CPB2: variants seen among roughly 807,000 people sequenced by gnomAD.
CPB2 encodes the protein carboxypeptidase B-like protein.
A neutral mutation model predicts 57.0 loss-of-function variants in CPB2; 54 were observed. The ratio of observed to expected loss-of-function variants is 0.95; its 90% CI spans 0.76 to 1.19. CPB2 has a LOEUF of 1.19. Among genes scored for constraint, CPB2 ranks in the 50% most tolerant of loss-of-function variants. The probability of loss-of-function intolerance (pLI) is 0.00; values close to 1 mark genes in which losing one functional copy is unlikely to be tolerated. For missense variants in CPB2, 426 were observed against 512.0 expected (o/e 0.83, Z 1.62); for synonymous variants, 189 against 178.1 (o/e 1.06, Z -0.49).
chr13:46,071,626 G>A (rs1670600194), intron 6 of CPB2, among the ~76,000 whole-genome samples: 1 of 152,178 alleles, frequency 6.6e-6, no homozygotes, highest in Non-Finnish European at 1.5e-5. Context: ...TTATCTGAAG[G>A]TCAGTGCACG....
intron 3 of CPB2, among the ~76,000 whole-genome samples, 196 bp downstream of exon 3, chr13:46,084,023 A>G (rs1168182291): frequency 6.6e-6 from 1 of 152,172 alleles, no homozygotes; most frequent in Non-Finnish European, 1.5e-5. Flanking sequence ...GGAGGTCATG[A>G]GGGGTTGAAC....
rs555153445 is a variant in CPB2, at chr13:46,087,815, T to G, written c.80A>C (p.Gln27Pro). Reference protein sequence around the residue: ...EQHVFAFQSGQVLAALPRTSR... With the variant: ...EQHVFAFQSGPVLAALPRTSR... ...GGTTCTAGGAAGAGCAGCTAGAACT[T>G]GGCCACTGGGGAAAAAAATAAAAGA... is the stretch of plus-strand genomic sequence containing the variant. The change falls in exon 2 of 11, where the codon CAA (glutamine) becomes CCA (proline). Residue 27 changes from glutamine (Q) to proline (P), a missense_variant. Gln to Pro is a moderately conservative substitution (Grantham distance 76). Transcript: ENST00000181383. The G allele has an allele frequency of 6.2e-7, 1 of 1,607,314 alleles. No homozygotes were observed. Among genetic ancestry groups the G allele is most frequent in the African/African-American group, 1.3e-5 (1 of 74,594 alleles).
intron 8 of CPB2, among the ~76,000 whole-genome samples, chr13:46,064,155 G>A (rs997223290): frequency 1.3e-5 from 2 of 152,038 alleles, no homozygotes; most frequent in Non-Finnish European, 2.9e-5. Flanking sequence ...CAGCTACTTG[G>A]GAGGCTGAGG....
chr13:46,066,844 CAAAAAA>C (rs35694352), intron 7 of CPB2, among the ~76,000 whole-genome samples: 2 of 99,318 alleles, frequency 2.0e-5, no homozygotes. Context: ...GACACCATCT[CAAAAAA>C]AAAAAAAAAA....
intron 4 of CPB2, among the ~76,000 whole-genome samples, chr13:46,082,170 C>A (rs1220244505): frequency 6.6e-6 from 1 of 152,102 alleles, no homozygotes; most frequent in African/African-American, 2.4e-5. Context: ...TCTTTAATTT[C>A]TGTTGTTCCA....
In CPB2 at chr13:46,073,582, G is replaced by A. The variant is rs76807562; in HGVS notation, c.591+291C>T. 6.5e-3 allele frequency: 2,185 copies of A among 334,528 alleles called. 70 individuals are homozygous for A. Among genetic ancestry groups the A allele is most frequent in the African/African-American group, 0.047 (2,021 of 43,062 alleles). The allele number at this position is 334,528 out of a possible 1,614,324, so 20.7% of individuals were successfully genotyped here. On this transcript the variant is annotated intron_variant, in intron 6 of 10. Coordinates refer to ENST00000181383, the MANE Select transcript of CPB2 (RefSeq NM_001872.5). ...CTCCTTCAGTCCTTTCCTCTACTTA[G>A]TAAACATATTATAATCAATGTACTA...
intron 4 of CPB2, among the ~76,000 whole-genome samples, chr13:46,079,535 CAA>C (rs58164990): frequency 0.35 from 38,557 of 110,462 alleles, 5,394 homozygotes; most frequent in East Asian, 0.52. Context: ...AAGGAAAAAG[CAA>C]AAAAAAAAAA....
chr13:46,057,910 GTTCC>G (rs1325343791), intron 9 of CPB2, among the ~76,000 whole-genome samples: 1 of 152,136 alleles, frequency 6.6e-6, no homozygotes, highest in Non-Finnish European at 1.5e-5. Flanking sequence ...TGTAGTAGTA[GTTCC>G]TTCCTAACCT....
In CPB2 at chr13:46,062,011, T is replaced by C. The variant is rs941913600; in HGVS notation, c.796+2637A>G. Among the ~76,000 whole-genome samples, 5 of 142,294 alleles carry C rather than the reference T, an allele frequency of 3.5e-5. No individual in the cohort carries two copies. The South Asian group carries it at 1.1e-3, about 32-fold the overall frequency. 93.4% of individuals were successfully genotyped at this position (142,294 alleles called of 152,430 possible). A position where few individuals can be genotyped will look rare whatever the true frequency, so the allele number is the denominator to read the frequency against. On this transcript the variant is annotated intron_variant, in intron 8 of 10. Transcript: ENST00000181383. ...TGGTAATAAGGACAGTTCCTTACAATTACTTTTTATTTGGTTTTTTTTTTT... is the reference window on the plus strand; with the variant it reads ...TGGTAATAAGGACAGTTCCTTACAACTACTTTTTATTTGGTTTTTTTTTTT...
intron 1 of CPB2, among the ~76,000 whole-genome samples, chr13:46,097,628 T>C (rs1387979818): frequency 1.3e-5 from 2 of 152,184 alleles, no homozygotes; most frequent in African/African-American, 2.4e-5. Context: ...CCAGAATACC[T>C]AGTTGCTGCT....
intron 2 of CPB2, among the ~76,000 whole-genome samples, chr13:46,084,741 T>C (rs1021440715): frequency 3.3e-5 from 5 of 152,016 alleles, no homozygotes; most frequent in Non-Finnish European, 7.4e-5. Flanking sequence ...AAAAATTTCA[T>C]GTTCTTGTAA....
In CPB2 at chr13:46,053,516, A is replaced by G. The variant is rs776645167; in HGVS notation, c.*98T>C. The G allele has an allele frequency of 6.6e-7, 1 of 1,508,246 alleles. No homozygotes were observed. Among genetic ancestry groups the G allele is most frequent in the Admixed American group, 2.2e-5 (1 of 45,944 alleles). The allele number at this position is 1,508,246 out of a possible 1,614,324, so 93.4% of individuals were successfully genotyped here. Reference sequence around the variant, plus strand: ...AAGGAATAGGAAAATCTTTTATCAAAACTACGGATAAAACTTAAAAATAAT... The same window carrying G: ...AAGGAATAGGAAAATCTTTTATCAAGACTACGGATAAAACTTAAAAATAAT... On this transcript the variant is annotated 3_prime_UTR_variant, in exon 11 of 11. Coordinates refer to ENST00000181383, the MANE Select transcript of CPB2 (RefSeq NM_001872.5).
At chr13:46,074,251 A>T (rs2044987276) in intron 5 of CPB2, among the ~76,000 whole-genome samples, 1 of 152,190 alleles carries the variant, frequency 6.6e-6, no homozygotes, top group African/African-American at 2.4e-5. Context: ...TTATGCAGTC[A>T]TGTCAGAGCT....
intron 1 of CPB2, among the ~76,000 whole-genome samples, chr13:46,095,348 G>C (rs1380340220): frequency 3.9e-5 from 6 of 151,962 alleles, no homozygotes. Flanking sequence ...ATCCTTGAGG[G>C]GAAATGACAA....
At chr13:46,067,678 A>C (rs978779970) in intron 6 of CPB2, among the ~76,000 whole-genome samples, 1 of 152,228 alleles carries the variant, frequency 6.6e-6, no homozygotes, top group East Asian at 1.9e-4. Context: ...TTAAAAAATA[A>C]AATTAATTCT....
chr13:46,063,112 A>G (rs776519175), intron 8 of CPB2, among the ~76,000 whole-genome samples: 13 of 152,204 alleles, frequency 8.5e-5, no homozygotes, highest in Non-Finnish European at 1.6e-4. Flanking sequence ...ACTATGAAAA[A>G]TAATGTTGAG....
chr13:46,053,728 A>C lies in CPB2; in HGVS notation c.1158T>G (p.Leu386=). 1.2e-6 allele frequency: 2 copies of C among 1,614,194 alleles called. No homozygotes were observed. The highest frequency in any genetic ancestry group is 2.2e-5 in the South Asian group (2 of 91,080). The change falls in exon 11 of 11, where the codon CTT becomes CTG. Residue 386 remains leucine (L), a synonymous_variant. Transcript: ENST00000181383. Reference sequence around the variant, plus strand: ...AGAATCCGTATGTGCCCGTATCTCGAAGTTCAATTGTAAACGAATATTTGA... The same window carrying C: ...AGAATCCGTATGTGCCCGTATCTCGCAGTTCAATTGTAAACGAATATTTGA... ...LGIKYSFTIE[L]RDTGTYGFLL... is the part of the protein sequence containing the mutation.
intron 10 of CPB2, among the ~76,000 whole-genome samples, chr13:46,054,483 G>A (rs1357342026): frequency 2.0e-5 from 3 of 152,154 alleles, no homozygotes; most frequent in African/African-American, 7.2e-5. Context: ...TTTGGTGAAA[G>A]ACATGTTAAT....
chr13:46,093,521 T>C (rs922691077), intron 1 of CPB2, among the ~76,000 whole-genome samples: 3 of 152,230 alleles, frequency 2.0e-5, no homozygotes, highest in Non-Finnish European at 4.4e-5. Flanking sequence ...TAGAATGCTT[T>C]TCAGTCATTA....
Sources: allele counts gnomAD v4.1 joint callset (sites outside exome capture counted in the v4.1 genomes callset), GRCh38; gene constraint gnomAD v4.1.1; transcripts MANE v1.5; gene names NCBI Gene and HGNC (gene_info 2026-07-23, HGNC 2026-07-21).